SETD3: variants seen among roughly 807,000 people sequenced by gnomAD.
SETD3 encodes actin-histidine N-methyltransferase.
In SETD3, 19 loss-of-function variants were observed where a neutral mutation model predicts 63.0. The observed-to-expected ratio is 0.30, with a 90% CI of 0.21 to 0.44. The LOEUF (loss-of-function observed/expected upper bound fraction) is 0.44. Ranked by LOEUF, SETD3 falls within the 20% of genes least tolerant of loss-of-function variation. SETD3 has a pLI of 1.00. For synonymous variants in SETD3, 286 were observed against 264.1 expected, an observed-to-expected ratio of 1.08 and a Z score of -0.80; for missense variants, 587 against 728.5, an observed-to-expected ratio of 0.81 and a Z score of 2.24.
At chr14:99,437,565 G>A (rs1373617932) in intron 6 of SETD3, among the ~76,000 whole-genome samples, 17 of 152,120 alleles carry the variant, frequency 1.1e-4, no homozygotes, top group African/African-American at 2.9e-4. Flanking sequence ...TTCTTCACAC[G>A]TCAGTGGTGC....
rs755653586 is a variant in SETD3, at chr14:99,400,265, A to G, written c.1178-6T>C. ...CAAGTGTTCTTTCAGTTCTTCTACAAGAAATACAAATGGCAATCTGTTAGG... is the reference window on the plus strand; with the variant it reads ...CAAGTGTTCTTTCAGTTCTTCTACAGGAAATACAAATGGCAATCTGTTAGG... On this transcript the variant is annotated splice_region_variant and splice_polypyrimidine_tract_variant and intron_variant, in intron 11 of 12. Transcript: ENST00000331768. The G allele has an allele frequency of 1.2e-6, 2 of 1,609,078 alleles. No individual in the cohort carries two copies. The highest frequency in any genetic ancestry group is 1.7e-5 in the Admixed American group (1 of 58,956).
At chr14:99,482,521 T>C (rs534823967), upstream of SETD3, among the ~76,000 whole-genome samples, 10 of 152,256 alleles carry the variant, frequency 6.6e-5, no homozygotes, top group Non-Finnish European at 1.3e-4. Context: ...TTAAATAATC[T>C]TGACTATGAA....
intron 6 of SETD3, among the ~76,000 whole-genome samples, chr14:99,424,607 G>A (rs1892777662): frequency 1.3e-5 from 2 of 152,168 alleles, no homozygotes; most frequent in Admixed American, 6.5e-5. Flanking sequence ...GGCCAATGTC[G>A]CTGAGCTCCT....
intron 6 of SETD3, among the ~76,000 whole-genome samples, chr14:99,454,203 T>G (rs1473698517): frequency 6.6e-6 from 1 of 152,210 alleles, no homozygotes; most frequent in Non-Finnish European, 1.5e-5. Flanking sequence ...AATGCTTTTT[T>G]TTTTTAGATG....
At chr14:99,424,979 C>A (rs1185601821) in intron 6 of SETD3, among the ~76,000 whole-genome samples, 1 of 152,002 alleles carries the variant, frequency 6.6e-6, no homozygotes, top group Non-Finnish European at 1.5e-5. Flanking sequence ...GGAGCAGAAG[C>A]TGAGAAAGGG....
intron 1 of SETD3, among the ~76,000 whole-genome samples, chr14:99,467,511 G>A (rs936539333): frequency 7.2e-5 from 11 of 152,216 alleles, no homozygotes; most frequent in African/African-American, 2.7e-4. Flanking sequence ...GGCATCTCTG[G>A]AGGACCATCG....
chr14:99,408,748 T>G (rs1000000410), intron 8 of SETD3, among the ~76,000 whole-genome samples: 49 of 152,326 alleles, frequency 3.2e-4, no homozygotes, highest in African/African-American at 1.2e-3. Flanking sequence ...GTTTGGAGGC[T>G]GAGTGTCTAA....
chr14:99,426,495 G>C (rs1159953151), intron 6 of SETD3, among the ~76,000 whole-genome samples: 1 of 152,204 alleles, frequency 6.6e-6, no homozygotes, highest in Non-Finnish European at 1.5e-5. Flanking sequence ...GAAAGCAGCA[G>C]AGCAGCTGAG....
intron 8 of SETD3, among the ~76,000 whole-genome samples, chr14:99,408,283 T>C (rs1314474347): frequency 1.3e-5 from 2 of 152,204 alleles, no homozygotes; most frequent in African/African-American, 2.4e-5. Flanking sequence ...TATGCAGCAA[T>C]GAGAAATAAA....
At chr14:99,400,460 C>T (rs1472677806) in intron 11 of SETD3, among the ~76,000 whole-genome samples, 2 of 152,188 alleles carry the variant, frequency 1.3e-5, no homozygotes, top group Non-Finnish European at 2.9e-5. Context: ...CCAGGTCAGG[C>T]CTCTCCATGT....
At chr14:99,439,378 TCAGACAAC>T (rs1893662347) in intron 6 of SETD3, among the ~76,000 whole-genome samples, 1 of 152,148 alleles carries the variant, frequency 6.6e-6, no homozygotes, top group Non-Finnish European at 1.5e-5. Flanking sequence ...TTCACAGAGA[TCAGACAAC>T]AGAGCACTGC....
intron 1 of SETD3, among the ~76,000 whole-genome samples, chr14:99,475,657 C>T (rs1895937355): frequency 3.3e-5 from 5 of 152,198 alleles, no homozygotes; most frequent in African/African-American, 1.2e-4. Context: ...TATTATACTT[C>T]AATGAACTGT....
intron 6 of SETD3, among the ~76,000 whole-genome samples, chr14:99,450,553 T>C (rs953905352): frequency 2.0e-5 from 3 of 152,190 alleles, no homozygotes; most frequent in African/African-American, 7.2e-5. Flanking sequence ...TCTGGCTAGG[T>C]AGGAGTTGCC....
chr14:99,414,023 T>G (rs1892150007), intron 6 of SETD3, 89 bp from the exon 7 acceptor site: 8 of 1,183,400 alleles, frequency 6.8e-6, no homozygotes, highest in Non-Finnish European at 1.0e-5. Flanking sequence ...TTTAGCTGCC[T>G]AACAGATCCT....
intron 6 of SETD3, among the ~76,000 whole-genome samples, chr14:99,433,263 T>A (rs1418206837): frequency 6.6e-6 from 1 of 152,046 alleles, no homozygotes; most frequent in East Asian, 1.9e-4. Context: ...AAATGGCAAA[T>A]TTCATGTTAT....
At chr14:99,403,199 G>C (rs1891475506) in intron 11 of SETD3, among the ~76,000 whole-genome samples, 1 of 152,086 alleles carries the variant, frequency 6.6e-6, no homozygotes. Context: ...TCAAACCCTG[G>C]ACTTGTGCTG....
intron 1 of SETD3, among the ~76,000 whole-genome samples, chr14:99,480,308 G>GGGGC (rs1896217562): frequency 6.6e-6 from 1 of 152,070 alleles, no homozygotes; most frequent in South Asian, 2.1e-4. Flanking sequence ...ACTAGCGCGA[G>GGGGC]GGGCCCGGGC....
chr14:99,420,774 C>G (rs1324503720), intron 6 of SETD3, among the ~76,000 whole-genome samples: 1 of 151,978 alleles, frequency 6.6e-6, no homozygotes, highest in Non-Finnish European at 1.5e-5. Context: ...ACAGATCAAG[C>G]CCACCAGTCC....
chr14:99,410,206 C>T lies in SETD3; in HGVS notation c.849+2745G>A, dbSNP rs775768615. The T allele has an allele frequency of 3.7e-6, 6 of 1,613,608 alleles. No individual in the cohort carries two copies. The Admixed American group carries it at 8.3e-5, about 22-fold the overall frequency. On this transcript the variant is annotated intron_variant, in intron 8 of 12. Coordinates refer to ENST00000331768, the MANE Select transcript of SETD3 (RefSeq NM_032233.3). ...GAGGCGACAGCAAGAGCGAAGGAAT[C>T]TTCTGGTGTCTGAAGAATAGCAGGG...
Sources: gnomAD v4.1 joint callset for allele counts (sites outside exome capture counted in the v4.1 genomes callset) on GRCh38, gnomAD v4.1.1 for gene constraint, MANE v1.5 for transcripts, NCBI Gene and HGNC (gene_info 2026-07-23, HGNC 2026-07-21) for gene names.